PDHX: variants seen among roughly 807,000 people sequenced by gnomAD.
PDHX encodes the protein pyruvate dehydrogenase protein X component, mitochondrial.
In PDHX, 33 loss-of-function variants were observed where a neutral mutation model predicts 55.3. The observed-to-expected ratio is 0.60, with a 90% CI of 0.45 to 0.80. The LOEUF (loss-of-function observed/expected upper bound fraction) is 0.80. Among genes scored for constraint, PDHX ranks in the 30% least tolerant of loss-of-function variants. The probability of loss-of-function intolerance (pLI) is 0.00; values close to 1 mark genes in which losing one functional copy is unlikely to be tolerated. For missense variants in PDHX, 622 were observed against 619.9 expected (o/e 1.00, Z -0.04); for synonymous variants, 226 against 219.4 (o/e 1.03, Z -0.27).
chr11:34,937,791 G>A (rs1355179802), intron 2 of PDHX, among the ~76,000 whole-genome samples: 2 of 152,214 alleles, frequency 1.3e-5, no homozygotes, highest in Non-Finnish European at 2.9e-5. Context: ...AAGTGAAGTT[G>A]TCCTGGGCTG....
At chr11:34,941,455 T>C (rs947852372) in intron 2 of PDHX, among the ~76,000 whole-genome samples, 2 of 152,186 alleles carry the variant, frequency 1.3e-5, no homozygotes, top group African/African-American at 4.8e-5. Flanking sequence ...TAGTAAATAC[T>C]TGTAGAGTCA....
chr11:34,975,223 A>AT (rs910447317), intron 7 of PDHX, among the ~76,000 whole-genome samples: 7 of 150,882 alleles, frequency 4.6e-5, no homozygotes, highest in African/African-American at 1.5e-4. Flanking sequence ...GTATGCCTAG[A>AT]TTTTTTTTTC....
At chr11:34,933,172 C>T (rs1854219271) in intron 2 of PDHX, among the ~76,000 whole-genome samples, 1 of 152,166 alleles carries the variant, frequency 6.6e-6, no homozygotes, top group South Asian at 2.1e-4. Flanking sequence ...ATATACATAT[C>T]TTGCACAATT....
At chr11:34,968,181 G>T (rs1450044294) in intron 6 of PDHX, among the ~76,000 whole-genome samples, 1 of 150,480 alleles carries the variant, frequency 6.6e-6, no homozygotes, top group African/African-American at 2.4e-5. Context: ...GGAGATTGGG[G>T]AATCACTTGA....
chr11:34,988,573 AAG>A (rs1491346359), intron 9 of PDHX, among the ~76,000 whole-genome samples: 1 of 151,564 alleles, frequency 6.6e-6, no homozygotes, highest in Non-Finnish European at 1.5e-5. Flanking sequence ...AAAAAAAAAA[AAG>A]AAACTTGAGA....
chr11:34,970,908 T>A (rs1855244302), intron 7 of PDHX, among the ~76,000 whole-genome samples: 1 of 152,220 alleles, frequency 6.6e-6, no homozygotes, highest in African/African-American at 2.4e-5. Context: ...TTAGTTTTTT[T>A]AAAAGCAAAA....
chr11:34,926,001 T>C (rs934928112), intron 1 of PDHX, among the ~76,000 whole-genome samples: 1 of 152,230 alleles, frequency 6.6e-6, no homozygotes, highest in Non-Finnish European at 1.5e-5. Flanking sequence ...GTTATCTTTT[T>C]TATGTTTGTT....
At chr11:34,951,516 A>T in intron 3 of PDHX, among the ~76,000 whole-genome samples, 1 of 151,748 alleles carries the variant, frequency 6.6e-6, no homozygotes. Flanking sequence ...GTCTGTTCAT[A>T]CCCTTTGCCC....
chr11:34,983,667 A>G (rs1387934946), intron 8 of PDHX, among the ~76,000 whole-genome samples: 1 of 151,902 alleles, frequency 6.6e-6, no homozygotes, highest in Non-Finnish European at 1.5e-5. Context: ...GTGAACTCCC[A>G]TTCACAATTG....
chr11:34,940,752 G>GT (rs1854453950), intron 2 of PDHX, among the ~76,000 whole-genome samples: 1 of 152,052 alleles, frequency 6.6e-6, no homozygotes, highest in Non-Finnish European at 1.5e-5. Flanking sequence ...ATCCGGATCT[G>GT]TTTTTTGTCT....
At chr11:34,948,600 G>A (rs1396508347) in intron 3 of PDHX, among the ~76,000 whole-genome samples, 1 of 96,644 alleles carries the variant, frequency 1.0e-5, no homozygotes, top group African/African-American at 4.0e-5. Flanking sequence ...AGCCACTTAT[G>A]TTGTATTTTT....
intron 10 of PDHX, 123 bp from the exon 11 acceptor site, chr11:34,994,791 T>A: frequency 1.0e-6 from 1 of 971,126 alleles, no homozygotes; most frequent in Non-Finnish European, 1.6e-6. Context: ...CTTTTTTCAT[T>A]ACTCATATAT....
intron 1 of PDHX, among the ~76,000 whole-genome samples, chr11:34,926,788 T>A (rs1305973399): frequency 6.6e-6 from 1 of 152,044 alleles, no homozygotes; most frequent in Non-Finnish European, 1.5e-5. Context: ...AAGAAATACT[T>A]TAGGGAAGAA....
chr11:34,916,710 G>T lies in PDHX; in HGVS notation c.55G>T (p.Gly19Cys), dbSNP rs761609180. 6.2e-7 allele frequency: 1 copy of T among 1,613,174 alleles called. No homozygotes were observed. Among genetic ancestry groups the T allele is most frequent in the South Asian group, 1.1e-5 (1 of 91,030 alleles). Residue 19 changes from glycine (G) to cysteine (C), a missense_variant, in exon 1 of 11, where the codon GGC becomes TGC. Transcript: ENST00000227868. ...TCCGCGGCTGCTGCGTTATCTTGTG[G>T]GCTTCCCCGGCCGCCGAAGCGTAGG... Reference protein sequence around the residue: ...CDPRLLRYLVGFPGRRSVGLV... With the variant: ...CDPRLLRYLVCFPGRRSVGLV...
intron 2 of PDHX, among the ~76,000 whole-genome samples, chr11:34,941,160 A>G (rs1854466949): frequency 6.6e-6 from 1 of 152,208 alleles, no homozygotes; most frequent in Admixed American, 6.5e-5. Flanking sequence ...TTCACCCCAT[A>G]GGGCAGGACC....
At chr11:34,931,515 G>A in intron 2 of PDHX, 31 bp downstream of exon 2, 1 of 1,229,994 alleles carries the variant, frequency 8.1e-7, no homozygotes, top group East Asian at 2.3e-5. Context: ...TGTCCTGTGT[G>A]CTTTGTTATT....
chr11:34,929,962 T>G (rs1565149389), intron 1 of PDHX, among the ~76,000 whole-genome samples: 2 of 152,228 alleles, frequency 1.3e-5, no homozygotes, highest in East Asian at 3.8e-4. Flanking sequence ...ACTGGGCTTC[T>G]TAGTACAACC....
intron 5 of PDHX, among the ~76,000 whole-genome samples, chr11:34,963,060 AT>A (rs781778409): frequency 5.3e-5 from 8 of 152,128 alleles, no homozygotes; most frequent in Non-Finnish European, 1.0e-4. Flanking sequence ...AGTACAAAAG[AT>A]TTCATGAGAA....
At chr11:34,986,717 G>A (rs1454956071) in intron 9 of PDHX, among the ~76,000 whole-genome samples, 1 of 152,154 alleles carries the variant, frequency 6.6e-6, no homozygotes, top group Non-Finnish European at 1.5e-5. Flanking sequence ...TAAGAACGCA[G>A]TCTCACCAGC....
Sources: allele counts gnomAD v4.1 joint callset (sites outside exome capture counted in the v4.1 genomes callset), GRCh38; gene constraint gnomAD v4.1.1; transcripts MANE v1.5; gene names NCBI Gene and HGNC (gene_info 2026-07-23, HGNC 2026-07-21).